Variants in IFT88 observed in about 807,000 individuals in gnomAD.
The protein encoded by IFT88 is intraflagellar transport 88.
A neutral mutation model predicts 119.5 loss-of-function variants in IFT88; 74 were observed. That is an observed-to-expected ratio of 0.62 (90% confidence interval 0.51 to 0.75). IFT88 has a LOEUF of 0.75. Ranked by LOEUF, IFT88 falls within the 30% of genes least tolerant of loss-of-function variation. The pLI is 0.00. For synonymous variants in IFT88, 279 were observed against 316.7 expected (o/e 0.88, Z 1.26); for missense variants, 961 against 977.7 (o/e 0.98, Z 0.23).
rs548665048 is a variant in IFT88, at chr13:20,601,661, A to G, written c.813-44A>G. On this transcript the variant is annotated intron_variant, in intron 11 of 25. Coordinates refer to ENST00000351808, the MANE Select transcript of IFT88 (RefSeq NM_006531.5). ...TGTGAATGGTTTGAATGCCATACTAAAGAGTTCAGAATTTTAAAGCTAATC... is the reference window on the plus strand; with the variant it reads ...TGTGAATGGTTTGAATGCCATACTAGAGAGTTCAGAATTTTAAAGCTAATC... 4.5e-5 allele frequency: 59 copies of G among 1,316,362 alleles called. No homozygotes were observed. In the East Asian group the frequency reaches 1.3e-3, roughly 29 times the overall value. 81.5% of individuals were successfully genotyped at this position (1,316,362 alleles called of 1,614,324 possible). A position where few individuals can be genotyped will look rare whatever the true frequency, so the allele number is the denominator to read the frequency against.
chr13:20,572,434 G>A (rs2036559192), intron 1 of IFT88, among the ~76,000 whole-genome samples: 2 of 152,060 alleles, frequency 1.3e-5, no homozygotes, highest in Admixed American at 6.6e-5. Flanking sequence ...GACCAAGCTG[G>A]TCTCAAACTC....
intron 24 of IFT88, among the ~76,000 whole-genome samples, chr13:20,688,191 A>T (rs1203262548): frequency 2.0e-5 from 3 of 152,056 alleles, no homozygotes; most frequent in Admixed American, 2.0e-4. Flanking sequence ...CAACAACAAC[A>T]AAAAAATTAG....
chr13:20,608,189 G>A (rs59194599), intron 13 of IFT88: 10,604 of 291,844 alleles, frequency 0.036, 299 homozygotes, highest in Middle Eastern at 0.059. Context: ...GTTCTGCGAC[G>A]GCTTCCCCTG....
intron 1 of IFT88, among the ~76,000 whole-genome samples, chr13:20,572,330 T>A (rs1200845629): frequency 1.3e-5 from 2 of 152,118 alleles, no homozygotes; most frequent in African/African-American, 2.4e-5. Flanking sequence ...GCGATTCTCG[T>A]GCCTCAGCCT....
chr13:20,597,652 G>A (rs1334503552), intron 9 of IFT88, among the ~76,000 whole-genome samples: 23 of 151,908 alleles, frequency 1.5e-4, no homozygotes, highest in South Asian at 8.3e-4. Context: ...GCTGGAGCAG[G>A]AGAATGGCGT....
chr13:20,574,516 C>A, intron 2 of IFT88, 41 bp downstream of exon 2: 1 of 1,106,888 alleles, frequency 9.0e-7, no homozygotes, highest in Non-Finnish European at 1.4e-6. Context: ...TCTTGGTTAA[C>A]CAGCTGGTTT....
At chr13:20,635,461 G>T (rs1417857392) in intron 16 of IFT88, among the ~76,000 whole-genome samples, 1 of 152,182 alleles carries the variant, frequency 6.6e-6, no homozygotes, top group Non-Finnish European at 1.5e-5. Context: ...TAGCAAAGCA[G>T]GTGTGGCCAG....
At position 20,603,313 on chromosome 13, in the gene IFT88, G is replaced by A. The variant is rs751018364; in HGVS notation, c.1041+1380G>A. 5.5e-4 allele frequency among the ~76,000 whole-genome samples: 83 copies of A among 151,448 alleles called. No homozygotes were observed. In the Middle Eastern group the frequency reaches 0.01, roughly 19 times the overall value. On this transcript the variant is annotated intron_variant, in intron 12 of 25. Coordinates refer to ENST00000351808, the MANE Select transcript of IFT88 (RefSeq NM_006531.5). ...TGAGGCAGGAGAATCACTTGAACCC[G>A]GAAGGTGGAGGTTGCAGGAGCCGAG...
intron 24 of IFT88, among the ~76,000 whole-genome samples, chr13:20,678,383 A>T (rs2056941549): frequency 6.6e-6 from 1 of 152,218 alleles, no homozygotes; most frequent in African/African-American, 2.4e-5. Context: ...ACAGAGTCTG[A>T]CCCACATATT....
At chr13:20,585,677 A>T (rs1316723654) in intron 3 of IFT88, among the ~76,000 whole-genome samples, 10 of 152,230 alleles carry the variant, frequency 6.6e-5, no homozygotes. Flanking sequence ...GGCCAAAGCC[A>T]GGGCAAACAA....
intron 3 of IFT88, among the ~76,000 whole-genome samples, chr13:20,588,261 T>C (rs2040067354): frequency 6.6e-6 from 1 of 152,134 alleles, no homozygotes; most frequent in Non-Finnish European, 1.5e-5. Context: ...AGAATTTCCA[T>C]GTATATTCCT....
At chr13:20,642,754 T>A (rs1353335361) in intron 18 of IFT88, 1 of 152,198 alleles carries the variant, frequency 6.6e-6, no homozygotes, top group Non-Finnish European at 1.5e-5. Flanking sequence ...GCAACTGATG[T>A]ATTTGAGACT....
intron 20 of IFT88, among the ~76,000 whole-genome samples, chr13:20,646,023 C>G (rs952330735): frequency 2.0e-5 from 3 of 152,226 alleles, no homozygotes; most frequent in Non-Finnish European, 4.4e-5. Context: ...ACTACTCTAA[C>G]ATTAGCCATT....
In IFT88 at chr13:20,589,791, T is replaced by C; in HGVS notation, c.154-20T>C. On this transcript the variant is annotated intron_variant, in intron 3 of 25. Transcript: ENST00000351808. ...AGCTCAGTCTGAATCCTGTTAACTA[T>C]GTTCTTTTTCCTCCCCAAGATAACT... 7.0e-6 allele frequency: 11 copies of C among 1,568,404 alleles called. No individual in the cohort carries two copies. The highest frequency in any genetic ancestry group is 2.2e-5 in the East Asian group (1 of 44,530).
chr13:20,569,312 G>A (rs1459962167), intron 1 of IFT88, among the ~76,000 whole-genome samples: 2 of 152,028 alleles, frequency 1.3e-5, no homozygotes, highest in African/African-American at 4.8e-5. Flanking sequence ...GGTGGCTCAC[G>A]CCTGTAATCC....
intron 15 of IFT88, among the ~76,000 whole-genome samples, chr13:20,628,353 G>A (rs975943908): frequency 5.9e-5 from 9 of 152,150 alleles, no homozygotes; most frequent in African/African-American, 1.7e-4. Context: ...GAGGCTCAGC[G>A]GAATGCTGAA....
At chr13:20,613,707 A>G (rs971194826) in intron 13 of IFT88, among the ~76,000 whole-genome samples, 2 of 152,162 alleles carry the variant, frequency 1.3e-5, no homozygotes, top group African/African-American at 4.8e-5. Flanking sequence ...GGTATAAATA[A>G]TATATGGTCT....
chr13:20,663,711 ATTTT>A, intron 23 of IFT88, 107 bp downstream of exon 23: 1 of 780,980 alleles, frequency 1.3e-6, no homozygotes, highest in Non-Finnish European at 2.0e-6. Context: ...CAGAGTTGAA[ATTTT>A]TTTCTGCTCT....
At chr13:20,576,484 A>G (rs1373643155) in intron 2 of IFT88, among the ~76,000 whole-genome samples, 1 of 152,088 alleles carries the variant, frequency 6.6e-6, no homozygotes, top group Non-Finnish European at 1.5e-5. Flanking sequence ...TTCTTTTAGT[A>G]GTTTCATAGT....
Sources: gnomAD v4.1 joint callset for allele counts (sites outside exome capture counted in the v4.1 genomes callset) on GRCh38, gnomAD v4.1.1 for gene constraint, MANE v1.5 for transcripts, NCBI Gene and HGNC (gene_info 2026-07-23, HGNC 2026-07-21) for gene names.